The following TFEC variants were observed in gnomAD, a reference collection of about 807,000 sequenced individuals.
TFEC encodes the protein class E basic helix-loop-helix protein 34.
Under a neutral mutation model 41.6 loss-of-function variants are expected in TFEC, and 31 were observed. The ratio of observed to expected loss-of-function variants is 0.74; its 90% CI spans 0.56 to 1.01. The LOEUF (loss-of-function observed/expected upper bound fraction) is 1.01. Among genes scored for constraint, TFEC ranks in the 50% least tolerant of loss-of-function variants. TFEC has a pLI of 0.00. For missense variants in TFEC, 402 were observed against 404.1 expected (o/e 0.99, Z 0.04); for synonymous variants, 143 against 140.6 (o/e 1.02, Z -0.12).
chr7:115,973,001 G>A (rs150447074), intron 3 of TFEC, among the ~76,000 whole-genome samples: 1 of 152,048 alleles, frequency 6.6e-6, no homozygotes, highest in African/African-American at 2.4e-5. Flanking sequence ...AATATCAAAT[G>A]TATCTAGAGA....
intron 1 of TFEC, among the ~76,000 whole-genome samples, chr7:116,009,145 A>G (rs1794909727): frequency 6.6e-6 from 1 of 152,224 alleles, no homozygotes; most frequent in South Asian, 2.1e-4. Flanking sequence ...TGATTTGTTT[A>G]TAATAGTTTC....
chr7:116,029,215 T>C (rs1162001772), intron 1 of TFEC, among the ~76,000 whole-genome samples: 3 of 151,966 alleles, frequency 2.0e-5, no homozygotes, highest in South Asian at 2.1e-4. Flanking sequence ...GAAATAGACA[T>C]GAAAATTATA....
chr7:116,000,923 C>T (rs1210538525), intron 1 of TFEC, among the ~76,000 whole-genome samples: 2 of 150,266 alleles, frequency 1.3e-5, no homozygotes, highest in Non-Finnish European at 3.0e-5. Context: ...ATACTAATGA[C>T]ATTCTTCACA....
intron 3 of TFEC, among the ~76,000 whole-genome samples, chr7:115,964,941 G>A (rs1297108015): frequency 6.6e-6 from 1 of 151,496 alleles, no homozygotes; most frequent in African/African-American, 2.4e-5. Context: ...AGTTGATCAT[G>A]TTTTCTTAGC....
chr7:115,954,434 G>T, intron 5 of TFEC, 152 bp downstream of exon 5: 1 of 512,316 alleles, frequency 2.0e-6, no homozygotes, highest in Non-Finnish European at 3.3e-6. Context: ...AGCTCACATT[G>T]TTAATATTTC....
chr7:115,957,272 TTTTACACTGTTAA>T (rs1353624597), intron 3 of TFEC, among the ~76,000 whole-genome samples: 3 of 151,866 alleles, frequency 2.0e-5, no homozygotes, highest in Non-Finnish European at 2.9e-5. Context: ...TCAAGAGGTG[TTTTACACTGTTAA>T]TTAAATGAGA....
At chr7:116,103,352 C>T (rs982102584) in intron 3 of TFEC, among the ~76,000 whole-genome samples, 2 of 152,164 alleles carry the variant, frequency 1.3e-5, no homozygotes, top group African/African-American at 4.8e-5. Context: ...GCCAAAGCTG[C>T]TGCTTACACA....
intron 3 of TFEC, among the ~76,000 whole-genome samples, chr7:116,084,069 C>A (rs1266584098): frequency 2.6e-5 from 4 of 151,872 alleles, no homozygotes; most frequent in Non-Finnish European, 5.9e-5. Flanking sequence ...ATTAATTATT[C>A]TGGAAGGGTT....
chr7:115,959,193 A>C (rs927432903), intron 3 of TFEC, among the ~76,000 whole-genome samples: 7 of 151,854 alleles, frequency 4.6e-5, no homozygotes, highest in Non-Finnish European at 1.0e-4. Flanking sequence ...TATTAACAAA[A>C]AATTCACAAA....
intron 1 of TFEC, among the ~76,000 whole-genome samples, chr7:116,150,248 G>A (rs566492587): frequency 3.3e-5 from 5 of 152,066 alleles, no homozygotes; most frequent in Non-Finnish European, 7.4e-5. Flanking sequence ...TTAATCAGAA[G>A]GCCTTACTTC....
chr7:116,013,501 A>T (rs749137004), intron 1 of TFEC, among the ~76,000 whole-genome samples: 23 of 152,118 alleles, frequency 1.5e-4, no homozygotes, highest in Admixed American at 3.9e-4. Flanking sequence ...AGAATGCAAA[A>T]CAATAGCCAC....
At position 115,940,115 on chromosome 7, in the gene TFEC, T is replaced by C. The variant is rs1396918056; in HGVS notation, c.*436A>G. 1 of 154,482 alleles carries C rather than the reference T, an allele frequency of 6.5e-6. No homozygotes were observed. The highest frequency in any genetic ancestry group is 1.4e-5 in the Non-Finnish European group (1 of 69,678). The allele number at this position is 154,482 out of a possible 1,614,324, so 9.6% of individuals were successfully genotyped here. A position where few individuals can be genotyped will look rare whatever the true frequency, so the allele number is the denominator to read the frequency against. Reference sequence around the variant, plus strand: ...GGAGAAAGGCAATGACCACCTGATATGTTGATCTTGATTCCGGAAGACTGA... The same window carrying C: ...GGAGAAAGGCAATGACCACCTGATACGTTGATCTTGATTCCGGAAGACTGA... On this transcript the variant is annotated 3_prime_UTR_variant, in exon 8 of 8. Transcript: ENST00000265440.
chr7:115,999,610 A>G (rs1189493407), intron 1 of TFEC, among the ~76,000 whole-genome samples: 1 of 151,916 alleles, frequency 6.6e-6, no homozygotes, highest in Non-Finnish European at 1.5e-5. Context: ...AAGAGAAGAC[A>G]CAAATAAATG....
chr7:116,110,410 CAAG>C (rs1165031568), intron 3 of TFEC, among the ~76,000 whole-genome samples: 1 of 151,942 alleles, frequency 6.6e-6, no homozygotes, highest in African/African-American at 2.4e-5. Context: ...TCCAAAATAT[CAAG>C]TAGTAGTTGT....
At chr7:115,961,482 A>T (rs1792547979) in intron 3 of TFEC, among the ~76,000 whole-genome samples, 2 of 151,648 alleles carry the variant, frequency 1.3e-5, no homozygotes, top group African/African-American at 4.8e-5. Flanking sequence ...ATATAAATTA[A>T]CCATCATTCT....
At chr7:116,117,389 G>A (rs1798014420) in intron 1 of TFEC, 1 of 151,776 alleles carries the variant, frequency 6.6e-6, no homozygotes, top group East Asian at 1.9e-4. Context: ...AGACCTCTCC[G>A]TGATTTTTGC....
intron 1 of TFEC, among the ~76,000 whole-genome samples, chr7:116,145,708 C>T (rs1248137021): frequency 6.6e-6 from 1 of 152,120 alleles, no homozygotes; most frequent in African/African-American, 2.4e-5. Flanking sequence ...TAACTTAGGT[C>T]CAGGTGCCAG....
At position 115,939,280 on chromosome 7, in the gene TFEC, C is replaced by T. The variant is rs1055764713; in HGVS notation, c.*1271G>A. The T allele has an allele frequency of 6.6e-6, 1 of 151,988 alleles. No individual in the cohort carries two copies. Among genetic ancestry groups the T allele is most frequent in the Non-Finnish European group, 1.5e-5 (1 of 67,958 alleles). 9.4% of individuals were successfully genotyped at this position (151,988 alleles called of 1,614,324 possible). A position where few individuals can be genotyped will look rare whatever the true frequency, so the allele number is the denominator to read the frequency against. Reference sequence around the variant, plus strand: ...TGAATACTCATTGATCGGATGATCACTCTTGGAGGTCCAGCACAGAGCAAC... The same window carrying T: ...TGAATACTCATTGATCGGATGATCATTCTTGGAGGTCCAGCACAGAGCAAC... On this transcript the variant is annotated 3_prime_UTR_variant, in exon 8 of 8. Transcript: ENST00000265440.
At chr7:116,069,782 G>A (rs1396304815) in intron 3 of TFEC, among the ~76,000 whole-genome samples, 1 of 151,502 alleles carries the variant, frequency 6.6e-6, no homozygotes, top group African/African-American at 2.4e-5. Context: ...ATCCTACATG[G>A]TCTTTTGCCA....
Sources: allele counts gnomAD v4.1 joint callset (sites outside exome capture counted in the v4.1 genomes callset), GRCh38; gene constraint gnomAD v4.1.1; transcripts MANE v1.5; gene names NCBI Gene and HGNC (gene_info 2026-07-23, HGNC 2026-07-21).